The following BRPF1 variants were observed in gnomAD, a reference collection of about 807,000 sequenced individuals.
BRPF1 encodes bromodomain and PHD finger containing 1, also known as peregrin.
BRPF1 carries 15 observed loss-of-function variants against 115.0 expected under a neutral mutation model. The ratio of observed to expected loss-of-function variants is 0.13; its 90% CI spans 0.09 to 0.20. The LOEUF (loss-of-function observed/expected upper bound fraction) is 0.20. BRPF1 is among the 10% of genes least tolerant of loss of function. BRPF1 has a pLI of 1.00. For missense variants in BRPF1, 1,118 were observed against 1,638.3 expected (o/e 0.68, Z 5.48); for synonymous variants, 647 against 619.8 (o/e 1.04, Z -0.65).
rs781611374 is a variant in BRPF1, at chr3:9,743,124, C to T, written c.2182C>T (p.Arg728Cys). ...TIFYRAAVRL[R>C]EQGGAVLRQA... ...CTTCTACCGGGCAGCAGTGCGGCTTCGTGAGCAGGGTGGTGCTGTGCTCCG... is the reference window on the plus strand; with the variant it reads ...CTTCTACCGGGCAGCAGTGCGGCTTTGTGAGCAGGGTGGTGCTGTGCTCCG... Residue 728 changes from arginine to cysteine, a missense_variant, in exon 7 of 14, where the codon CGT (arginine) becomes TGT (cysteine). Physicochemically the swap from Arg to Cys is radical, Grantham distance 180. This residue lies in a region of BRPF1 where 223 missense variants were observed against 240.7 expected (regional missense o/e 0.93). Transcript: ENST00000383829. This position sits in a 1 kb window ranked among gnomAD's most constrained non-coding sequence, Gnocchi z 6.1. 11 of 1,614,230 alleles carry T rather than the reference C, an allele frequency of 6.8e-6. No individual in the cohort carries two copies. Among genetic ancestry groups the T allele is most frequent in the East Asian group, 2.2e-5 (1 of 44,886 alleles).
intron 3 of BRPF1, 112 bp downstream of exon 3, chr3:9,740,070 A>T: frequency 1.4e-6 from 2 of 1,419,444 alleles, no homozygotes; most frequent in Non-Finnish European, 1.8e-6. Context: ...CAGGAGCTGC[A>T]TAGAAGTTAA....
At chr3:9,735,552 T>A (rs1301114963) in intron 2 of BRPF1, among the ~76,000 whole-genome samples, 1 of 152,216 alleles carries the variant, frequency 6.6e-6, no homozygotes, top group Non-Finnish European at 1.5e-5. Flanking sequence ...AAGACTAGGA[T>A]CACTGATTTC....
chr3:9,744,919 C>T (rs2077096740), intron 9 of BRPF1, 89 bp from the exon 10 acceptor site: 3 of 1,571,294 alleles, frequency 1.9e-6, no homozygotes, highest in Admixed American at 3.4e-5. Context: ...AAGGGGAACC[C>T]AAGCTCCAAG....
chr3:9,739,126 G>A lies in BRPF1; in HGVS notation c.727G>A (p.Glu243Lys). Reference sequence around the variant, plus strand: ...AGAGGGTGTAAGTCCCATCCCGCAGGAGATCTTTGAGTACCTAATGGACCG... The same window carrying A: ...AGAGGGTGTAAGTCCCATCCCGCAGAAGATCTTTGAGTACCTAATGGACCG... ...KTEGVSPIPQ[E>K]IFEYLMDRLE... Residue 243 changes from glutamate (E) to lysine (K), a missense_variant, in exon 3 of 14, where the codon GAG (glutamate) becomes AAG (lysine). Glu to Lys is a moderately conservative substitution (Grantham distance 56, BLOSUM62 1). Coordinates refer to ENST00000383829, the MANE Select transcript of BRPF1 (RefSeq NM_001003694.2). The A allele has an allele frequency of 1.2e-6, 2 of 1,614,052 alleles. No homozygotes were observed. Among genetic ancestry groups the A allele is most frequent in the Non-Finnish European group, 1.7e-6 (2 of 1,179,972 alleles).
chr3:9,740,169 A>G (rs932346897), intron 3 of BRPF1, among the ~76,000 whole-genome samples: 2 of 152,276 alleles, frequency 1.3e-5, no homozygotes, highest in African/African-American at 4.8e-5. Context: ...TTTATCTGGC[A>G]TAGCTAACAG....
chr3:9,732,913 G>A (rs1302616263), intron 1 of BRPF1, among the ~76,000 whole-genome samples: 1 of 152,176 alleles, frequency 6.6e-6, no homozygotes, highest in African/African-American at 2.4e-5. Context: ...AATTGGGGCA[G>A]TCTCTGACCA....
intron 5 of BRPF1, among the ~76,000 whole-genome samples, 172 bp from the exon 6 acceptor site, chr3:9,741,853 T>C (rs543446759): frequency 6.6e-6 from 1 of 152,212 alleles, no homozygotes; most frequent in African/African-American, 2.4e-5. Context: ...GCCAGAATTG[T>C]TGGTGCAAGT....
intron 2 of BRPF1, among the ~76,000 whole-genome samples, chr3:9,737,717 G>A (rs769641741): frequency 1.1e-4 from 17 of 152,310 alleles, no homozygotes; most frequent in Middle Eastern, 3.4e-3. Flanking sequence ...ACGTCTGTAT[G>A]TGGTCACACA....
chr3:9,744,112 C>A (rs780378019), intron 8 of BRPF1, 112 bp from the exon 9 acceptor site: 17 of 1,373,286 alleles, frequency 1.2e-5, no homozygotes, highest in Non-Finnish European at 1.7e-5. Flanking sequence ...AAAATGATCT[C>A]CCCAACGTTA....
In BRPF1 at chr3:9,744,320, C is replaced by A; in HGVS notation, c.2732C>A (p.Pro911His). 1 of 1,613,534 alleles carries A rather than the reference C, an allele frequency of 6.2e-7. No homozygotes were observed. Among genetic ancestry groups the A allele is most frequent in the Non-Finnish European group, 8.5e-7 (1 of 1,179,730 alleles). ...SKKNPKTAGP[P>H]KRPGRPPKNR... Reference sequence around the variant, plus strand: ...AAGAACCCGAAGACAGCTGGACCGCCCAAGAGGCCGGGCCGGCCCCCCAAA... The same window carrying A: ...AAGAACCCGAAGACAGCTGGACCGCACAAGAGGCCGGGCCGGCCCCCCAAA... Residue 911 changes from proline to histidine, a missense_variant, in exon 9 of 14, where the codon CCC becomes CAC. Pro to His is a moderately conservative substitution (Grantham distance 77). Transcript: ENST00000383829.
chr3:9,744,285 G>A lies in BRPF1; in HGVS notation c.2697G>A (p.Leu899=). The change falls in exon 9 of 14, where the codon CTG becomes CTA. Residue 899 remains leucine, a synonymous_variant. Coordinates refer to ENST00000383829, the MANE Select transcript of BRPF1 (RefSeq NM_001003694.2). The part of the protein sequence containing the change: ...AHEVGRRTSV[L]FSKKNPKTAG... ...AGGTGGGCAGGAGAACCTCAGTTCT[G>A]TTCTCCAAAAAGAACCCGAAGACAG... 1 of 1,610,480 alleles carries A rather than the reference G, an allele frequency of 6.2e-7. No homozygotes were observed. The highest frequency in any genetic ancestry group is 8.5e-7 in the Non-Finnish European group (1 of 1,178,098).
In BRPF1 at chr3:9,745,066, A is replaced by G. The variant is rs780287194; in HGVS notation, c.2979A>G (p.Val993=). Reference sequence around the variant, plus strand: ...AACCAGTGAAGAAGAGTTTCTTGGTATACCGTAATGACTGCAGCCTTCCCC... The same window carrying G: ...AACCAGTGAAGAAGAGTTTCTTGGTGTACCGTAATGACTGCAGCCTTCCCC... ...GNQPVKKSFL[V]YRNDCSLPRS... is the part of the protein sequence containing the mutation. The change falls in exon 10 of 14, where the codon GTA becomes GTG. Residue 993 remains valine (V), a synonymous_variant. Coordinates refer to ENST00000383829, the MANE Select transcript of BRPF1 (RefSeq NM_001003694.2). The surrounding 1 kb of genome is among the most constrained non-coding windows in gnomAD (Gnocchi z 5.1). 27 of 1,614,212 alleles carry G rather than the reference A, an allele frequency of 1.7e-5. 1 individual carries two copies. The highest frequency in any genetic ancestry group is 3.3e-5 in the South Asian group (3 of 91,084).
chr3:9,743,904 C>T lies in BRPF1; in HGVS notation c.2635+3C>T, dbSNP rs1440634441. The T allele has an allele frequency of 1.0e-5, 16 of 1,558,308 alleles. No homozygotes were observed. Among genetic ancestry groups the T allele is most frequent in the Non-Finnish European group, 1.4e-5 (16 of 1,148,056 alleles). On this transcript the variant is annotated splice_donor_region_variant and intron_variant, in intron 8 of 13. Transcript: ENST00000383829. This position sits in a 1 kb window ranked among gnomAD's most constrained non-coding sequence, Gnocchi z 6.1. Reference sequence around the variant, plus strand: ...CAGCAGCCAGGAGACAAGCAAAGGTCTGAATCCCATGGCAAGGTGGACCCC... The same window carrying T: ...CAGCAGCCAGGAGACAAGCAAAGGTTTGAATCCCATGGCAAGGTGGACCCC...
Position 9,743,667 on chromosome 3 carries a change from G to C in BRPF1, c.2401G>C (p.Glu801Gln). Residue 801 changes from glutamate (E) to glutamine (Q), a missense_variant, in exon 8 of 14, where the codon GAA becomes CAA. Glu to Gln is a conservative substitution (Grantham distance 29, BLOSUM62 2). Around this residue, in one of 10 missense-constraint regions of BRPF1, gnomAD observed 223 missense variants for 240.7 expected, o/e 0.93. Coordinates refer to ENST00000383829, the MANE Select transcript of BRPF1 (RefSeq NM_001003694.2). This position sits in a 1 kb window ranked among gnomAD's most constrained non-coding sequence, Gnocchi z 6.1. Reference protein sequence around the residue: ...QLKLLLERLDEVNASKQSVGR... With the variant: ...QLKLLLERLDQVNASKQSVGR... ...AAAGCTGCTTCTGGAGCGGCTGGAC[G>C]AAGTGAATGCCAGCAAGCAGAGTGT... 1 of 1,614,176 alleles carries C rather than the reference G, an allele frequency of 6.2e-7. No homozygotes were observed. The highest frequency in any genetic ancestry group is 8.5e-7 in the Non-Finnish European group (1 of 1,180,052).
rs1317532797 is a variant in BRPF1, at chr3:9,746,067, T to C, written c.3324+137T>C. ...GGTAGACTGGTGGGCAGATACAGCT[T>C]GAGTACCACTTAGAGGCTCCCACTC... On this transcript the variant is annotated intron_variant, in intron 12 of 13. Transcript: ENST00000383829. 6.8e-5 allele frequency: 75 copies of C among 1,099,832 alleles called. 1 individual carries two copies. Among genetic ancestry groups the C allele is most frequent in the Non-Finnish European group, 8.3e-5 (64 of 769,250 alleles). The allele number at this position is 1,099,832 out of a possible 1,614,324, so 68.1% of individuals were successfully genotyped here.
At position 9,745,222 on chromosome 3, in the gene BRPF1, G is replaced by A. The variant is rs1181620078; in HGVS notation, c.3068+67G>A. The A allele has an allele frequency of 2.6e-6, 4 of 1,542,704 alleles. No homozygotes were observed. The highest frequency in any genetic ancestry group is 3.5e-6 in the Non-Finnish European group (4 of 1,149,068). ...TTCCAGGGCTCTTGGGCCTGTGTAG[G>A]TTTCCCTGTTGGAAGTGGGGTGGCA... is the stretch of plus-strand genomic sequence containing the variant. On this transcript the variant is annotated intron_variant, in intron 10 of 13. Transcript: ENST00000383829. This position sits in a 1 kb window ranked among gnomAD's most constrained non-coding sequence, Gnocchi z 5.1.
chr3:9,736,046 C>CCAT (rs1553694330), intron 2 of BRPF1, among the ~76,000 whole-genome samples: 2 of 141,022 alleles, frequency 1.4e-5, no homozygotes, highest in African/African-American at 2.7e-5. Context: ...GAGTCTCGCT[C>CCAT]TGTCACCCAG....
Position 9,745,982 on chromosome 3 carries a change from C to A in BRPF1, c.3324+52C>A, listed in dbSNP as rs773181023. On this transcript the variant is annotated intron_variant, in intron 12 of 13. Transcript: ENST00000383829. This position sits in a 1 kb window ranked among gnomAD's most constrained non-coding sequence, Gnocchi z 5.1. ...GCTTTCCAATCCCAGAATACAGATTCACAGTTAGCAGACTTTTCCTACTCC... is the reference window on the plus strand; with the variant it reads ...GCTTTCCAATCCCAGAATACAGATTAACAGTTAGCAGACTTTTCCTACTCC... 6.4e-7 allele frequency: 1 copy of A among 1,559,834 alleles called. No homozygotes were observed. The highest frequency in any genetic ancestry group is 1.4e-5 in the African/African-American group (1 of 73,956).
At chr3:9,741,468 A>G (rs756726467) in intron 5 of BRPF1, 29 bp downstream of exon 5, 2 of 1,522,794 alleles carry the variant, frequency 1.3e-6, no homozygotes, top group Non-Finnish European at 1.8e-6. Flanking sequence ...GCCCTATTTT[A>G]TAAAAGAAAA....
Sources: gnomAD v4.1 joint callset for allele counts (sites outside exome capture counted in the v4.1 genomes callset) on GRCh38, gnomAD v4.1.1 for gene constraint, gnomAD v4.1.1 regional missense constraint, Gnocchi (gnomAD v3.1) non-coding constraint, MANE v1.5 for transcripts, NCBI Gene and HGNC (gene_info 2026-07-23, HGNC 2026-07-21) for gene names.